Variants in GCA observed in about 807,000 individuals in gnomAD.
GCA encodes grancalcin, EF-hand calcium-binding protein.
Under a neutral mutation model 32.6 loss-of-function variants are expected in GCA, and 30 were observed. That is an observed-to-expected ratio of 0.92 (90% CI 0.69 to 1.25). The LOEUF (loss-of-function observed/expected upper bound fraction) is 1.25, where lower values mean the gene tolerates loss of function less well. GCA is among the 50% of genes most tolerant of loss of function. The pLI, the probability that GCA is intolerant of heterozygous loss-of-function variation, is 0.00. For synonymous variants in GCA, 102 were observed against 84.6 expected (o/e 1.21, Z -1.13); for missense variants, 291 against 266.8 (o/e 1.09, Z -0.63).
chr2:162,342,006 AAG>A (rs1684469240), upstream of GCA, among the ~76,000 whole-genome samples: 1 of 152,228 alleles, frequency 6.6e-6, no homozygotes, highest in South Asian at 2.1e-4. Flanking sequence ...ATTTTATTAA[AAG>A]AAAAATATTT....
At chr2:162,343,404 T>C (rs1429942530), upstream of GCA, among the ~76,000 whole-genome samples, 2 of 152,220 alleles carry the variant, frequency 1.3e-5, no homozygotes, top group African/African-American at 4.8e-5. Context: ...CAGGACACCG[T>C]CTATATTATC....
downstream of GCA, among the ~76,000 whole-genome samples, chr2:162,375,043 CTCT>C (rs1686112554): frequency 6.6e-6 from 1 of 152,140 alleles, no homozygotes; most frequent in Admixed American, 6.5e-5. Flanking sequence ...TTTCATTTCA[CTCT>C]TCAAGTCCCA....
chr2:162,343,973 G>T (rs1576276984), upstream of GCA: 1 of 510,106 alleles, frequency 2.0e-6, no homozygotes, highest in South Asian at 2.6e-5. Context: ...TCCCGATGGG[G>T]TGTAGCCAAT....
In GCA at chr2:162,360,898, A is replaced by G; in HGVS notation, c.*655A>G. On this transcript the variant is annotated 3_prime_UTR_variant, in exon 8 of 8. Coordinates refer to ENST00000437150, the MANE Select transcript of GCA (RefSeq NM_012198.5). ...TAAATATGTTTTATTGTCTTCTCTA[A>G]GCAAAAAGTTCTTAATAAACATAGT... 1 of 1,138,746 alleles carries G rather than the reference A, an allele frequency of 8.8e-7. No individual in the cohort carries two copies. The highest frequency in any genetic ancestry group is 2.3e-4 in the Middle Eastern group (1 of 4,400). The allele number at this position is 1,138,746 out of a possible 1,614,324, so 70.5% of individuals were successfully genotyped here.
At position 162,356,800 on chromosome 2, in the gene GCA, C is replaced by G. The variant is rs748589021; in HGVS notation, c.349C>G (p.Leu117Val). The change falls in exon 5 of 8, where the codon CTA (leucine) becomes GTA (valine). Residue 117 changes from leucine (L) to valine (V), a missense_variant. Transcript: ENST00000437150. The stretch of plus-strand genomic sequence containing the variant: ...AATGGGATTTAATGCATTCAAAGAG[C>G]TATGGGCAGCTCTTAATGCCTGGAA... ...GKMGFNAFKE[L>V]WAALNAWKEN... The G allele has an allele frequency of 2.5e-6, 4 of 1,608,184 alleles. No homozygotes were observed. Among genetic ancestry groups the G allele is most frequent in the Non-Finnish European group, 2.6e-6 (3 of 1,175,532 alleles).
downstream of GCA, among the ~76,000 whole-genome samples, chr2:162,364,443 G>A (rs189185698): frequency 5.4e-4 from 82 of 151,330 alleles, no homozygotes; most frequent in African/African-American, 1.1e-3. Context: ...GATAATTTAC[G>A]GTAAGTTCTA....
chr2:162,320,874 T>C (rs894915495), intron 1 of GCA, among the ~76,000 whole-genome samples: 40 of 152,194 alleles, frequency 2.6e-4, no homozygotes, highest in Non-Finnish European at 5.1e-4. Context: ...CTGAAGACCA[T>C]AGTAAATCTA....
At chr2:162,347,927 G>GTGA (rs1399228428) in intron 2 of GCA, among the ~76,000 whole-genome samples, 185 bp downstream of exon 2, 13 of 152,212 alleles carry the variant, frequency 8.5e-5, no homozygotes. Flanking sequence ...GTCTGTTGAT[G>GTGA]TGATGCTTGA....
downstream of GCA, among the ~76,000 whole-genome samples, chr2:162,367,902 A>G (rs542140497): frequency 2.0e-5 from 3 of 152,148 alleles, no homozygotes; most frequent in East Asian, 5.8e-4. Flanking sequence ...GATTCAAGAA[A>G]AAGACTGGGG....
intron 1 of GCA, among the ~76,000 whole-genome samples, chr2:162,336,078 A>C (rs1188621866): frequency 6.6e-6 from 1 of 152,204 alleles, no homozygotes; most frequent in African/African-American, 2.4e-5. Context: ...ATGAGGGAAA[A>C]TATCAAAATT....
chr2:162,335,676 T>C (rs1684245906), intron 1 of GCA, among the ~76,000 whole-genome samples: 1 of 152,214 alleles, frequency 6.6e-6, no homozygotes, highest in African/African-American at 2.4e-5. Flanking sequence ...TTGAGTTGGA[T>C]TTTCTGTCAT....
downstream of GCA, among the ~76,000 whole-genome samples, chr2:162,367,992 A>AT (rs1269945954): frequency 3.3e-5 from 5 of 152,004 alleles, no homozygotes; most frequent in Admixed American, 3.3e-4. Context: ...TGCAGAATCT[A>AT]TGCTTGCTCT....
intron 1 of GCA, 21 bp from the exon 2 acceptor site, chr2:162,347,554 CCTT>C: frequency 6.7e-7 from 1 of 1,500,172 alleles, no homozygotes. Context: ...ATATTACTAA[CCTT>C]CTCCCCTTTC....
chr2:162,373,641 A>G, downstream of GCA: 1 of 1,528,376 alleles, frequency 6.5e-7, no homozygotes, highest in Non-Finnish European at 8.8e-7. Context: ...TCTGGATGTC[A>G]GTGGTCATTT....
chr2:162,332,661 T>A (rs1008727984), intron 1 of GCA, among the ~76,000 whole-genome samples: 7 of 152,086 alleles, frequency 4.6e-5, no homozygotes, highest in African/African-American at 1.7e-4. Context: ...AAGTCCTAGA[T>A]CATTGAAAAA....
At chr2:162,328,234 A>G (rs1263454421) in intron 1 of GCA, among the ~76,000 whole-genome samples, 1 of 151,766 alleles carries the variant, frequency 6.6e-6, no homozygotes, top group Non-Finnish European at 1.5e-5. Flanking sequence ...AAAAAAAAAA[A>G]AAAAAAAATT....
intron 1 of GCA, among the ~76,000 whole-genome samples, chr2:162,339,039 G>C (rs559823066): frequency 1.4e-4 from 22 of 152,316 alleles, no homozygotes; most frequent in African/African-American, 5.1e-4. Context: ...ACAGAAAACT[G>C]TGTTATTGAG....
intron 1 of GCA, among the ~76,000 whole-genome samples, chr2:162,325,949 G>C (rs1409390010): frequency 6.6e-6 from 1 of 152,188 alleles, no homozygotes; most frequent in African/African-American, 2.4e-5. Flanking sequence ...ATCTATTGGA[G>C]AGGCAAGAGT....
intron 4 of GCA, among the ~76,000 whole-genome samples, chr2:162,370,021 G>T (rs1031376761): frequency 1.5e-4 from 23 of 152,112 alleles, no homozygotes; most frequent in African/African-American, 5.3e-4. Flanking sequence ...CAAAAATTAA[G>T]CAGGAATAAG....
Sources: gnomAD v4.1 joint callset for allele counts (sites outside exome capture counted in the v4.1 genomes callset) on GRCh38, gnomAD v4.1.1 for gene constraint, MANE v1.5 for transcripts, NCBI Gene and HGNC (gene_info 2026-07-23, HGNC 2026-07-21) for gene names.